Variants in MYO3A observed in about 807,000 individuals in gnomAD.
MYO3A encodes myosin IIIA, also known as myosin-IIIa.
In MYO3A, 180 loss-of-function variants were observed where a neutral mutation model predicts 192.7. The observed-to-expected ratio is 0.93, with a 90% CI of 0.83 to 1.06. The LOEUF is 1.06. Among genes scored for constraint, MYO3A ranks in the 50% least tolerant of loss-of-function variants. The probability of loss-of-function intolerance (pLI) is 0.00; values close to 1 mark genes in which losing one functional copy is unlikely to be tolerated. For missense variants in MYO3A, 1,896 were observed against 1,905.0 expected, an observed-to-expected ratio of 1.00 and a Z score of 0.09; for synonymous variants, 628 against 645.3, an observed-to-expected ratio of 0.97 and a Z score of 0.41.
intron 10 of MYO3A, among the ~76,000 whole-genome samples, chr10:26,047,707 G>A (rs951906781): frequency 5.3e-5 from 8 of 151,980 alleles, no homozygotes; most frequent in Admixed American, 3.9e-4. Context: ...CCCGGGAGGT[G>A]GAGCTTGCAG....
chr10:26,131,213 A>G (rs1219551480), intron 20 of MYO3A, among the ~76,000 whole-genome samples: 1 of 152,190 alleles, frequency 6.6e-6, no homozygotes, highest in East Asian at 1.9e-4. Flanking sequence ...GCATTTTCCT[A>G]TTTAGTCCAA....
chr10:26,069,936 A>T (rs550160649), intron 12 of MYO3A, among the ~76,000 whole-genome samples, 175 bp from the exon 13 acceptor site: 3 of 152,056 alleles, frequency 2.0e-5, no homozygotes, highest in African/African-American at 7.2e-5. Context: ...TTACATAGTT[A>T]TACATTTAGA....
At chr10:26,093,243 A>G (rs1450476182) in intron 15 of MYO3A, among the ~76,000 whole-genome samples, 4 of 152,200 alleles carry the variant, frequency 2.6e-5, no homozygotes, top group African/African-American at 7.2e-5. Flanking sequence ...AATGTTAACA[A>G]TCACATTGTT....
chr10:26,196,651 C>T (rs948671789), intron 32 of MYO3A, among the ~76,000 whole-genome samples: 3 of 152,202 alleles, frequency 2.0e-5, no homozygotes, highest in Non-Finnish European at 4.4e-5. Flanking sequence ...GCCCCAGTCC[C>T]TTTAACCACC....
chr10:26,151,546 T>G (rs981748297), intron 23 of MYO3A, among the ~76,000 whole-genome samples: 1 of 152,210 alleles, frequency 6.6e-6, no homozygotes, highest in African/African-American at 2.4e-5. Flanking sequence ...TTTCAACTTA[T>G]TGTTTTTCTT....
chr10:25,975,216 G>A (rs919950371), intron 4 of MYO3A, among the ~76,000 whole-genome samples: 1 of 152,174 alleles, frequency 6.6e-6, no homozygotes, highest in Non-Finnish European at 1.5e-5. Flanking sequence ...TACATGAAAA[G>A]GTGAAGCAGA....
chr10:26,150,671 C>T (rs1029856665), intron 23 of MYO3A, among the ~76,000 whole-genome samples: 1 of 152,106 alleles, frequency 6.6e-6, no homozygotes, highest in African/African-American at 2.4e-5. Context: ...TCAGCTGTCT[C>T]ATAAGTGACG....
chr10:26,130,450 G>T (rs2131763720), intron 20 of MYO3A, among the ~76,000 whole-genome samples: 1 of 152,262 alleles, frequency 6.6e-6, no homozygotes, highest in Non-Finnish European at 1.5e-5. Context: ...TTTCATTCAT[G>T]ATCCCAATGC....
chr10:25,958,133 T>G (rs1837680248), intron 4 of MYO3A, among the ~76,000 whole-genome samples: 2 of 152,210 alleles, frequency 1.3e-5, no homozygotes, highest in Non-Finnish European at 2.9e-5. Flanking sequence ...GGTATTGCTT[T>G]TGGAGTCTTC....
At chr10:26,096,811 A>G in intron 17 of MYO3A, 129 bp downstream of exon 17, 1 of 654,284 alleles carries the variant, frequency 1.5e-6, no homozygotes, top group Non-Finnish European at 2.7e-6. Context: ...AGCATTATGA[A>G]ATAACTGGAA....
intron 4 of MYO3A, among the ~76,000 whole-genome samples, chr10:25,956,064 G>A (rs550171173): frequency 6.6e-6 from 1 of 152,268 alleles, no homozygotes; most frequent in South Asian, 2.1e-4. Context: ...CTGGAGAGAA[G>A]AAACGCTGTG....
At chr10:26,205,583 A>C (rs7073982) in intron 34 of MYO3A, among the ~76,000 whole-genome samples, 2 of 142,700 alleles carry the variant, frequency 1.4e-5, no homozygotes, top group African/African-American at 5.4e-5. Flanking sequence ...CGTGTTGTTA[A>C]AAATGGCAGG....
At chr10:25,945,479 A>G (rs898996447) in intron 2 of MYO3A, among the ~76,000 whole-genome samples, 2 of 152,032 alleles carry the variant, frequency 1.3e-5, no homozygotes, top group African/African-American at 4.8e-5. Context: ...ATTATTGTAG[A>G]GCTGTCTGTT....
chr10:26,054,094 G>A (rs919694658), intron 10 of MYO3A, among the ~76,000 whole-genome samples: 18 of 152,154 alleles, frequency 1.2e-4, no homozygotes, highest in South Asian at 4.1e-4. Flanking sequence ...TACGGTGGGA[G>A]AAGCAATGGG....
chr10:26,049,029 C>T (rs80002604), intron 10 of MYO3A, among the ~76,000 whole-genome samples: 2,285 of 152,204 alleles, frequency 0.015, 69 homozygotes, highest in African/African-American at 0.052. Context: ...TTGCAAGCCA[C>T]GTAACCTGAG....
chr10:26,135,642 G>A (rs1839801522), intron 20 of MYO3A, among the ~76,000 whole-genome samples: 1 of 151,964 alleles, frequency 6.6e-6, no homozygotes, highest in African/African-American at 2.4e-5. Context: ...TTTTAGGGTT[G>A]GAATGGAAAG....
chr10:26,116,528 C>T (rs930381210), intron 17 of MYO3A, among the ~76,000 whole-genome samples: 1 of 152,100 alleles, frequency 6.6e-6, no homozygotes, highest in African/African-American at 2.4e-5. Flanking sequence ...CTTAGGACTT[C>T]AACATATGAA....
chr10:26,142,852 T>A (rs1316592153), intron 20 of MYO3A, among the ~76,000 whole-genome samples: 2 of 152,190 alleles, frequency 1.3e-5, no homozygotes, highest in Non-Finnish European at 2.9e-5. Flanking sequence ...TTCTGTAAAG[T>A]CTGGAACATA....
In MYO3A at chr10:26,211,951, C is replaced by G; in HGVS notation, c.4839C>G (p.Val1613=). 1 of 1,613,980 alleles carries G rather than the reference C, an allele frequency of 6.2e-7. No homozygotes were observed. The highest frequency in any genetic ancestry group is 8.5e-7 in the Non-Finnish European group (1 of 1,179,956). The change falls in exon 35 of 35, where the codon GTC becomes GTG. Residue 1613 remains valine (V), a synonymous_variant. Transcript: ENST00000642920. ...AAACCTCCCAGCGCCGGCGCCTCGT[C>G]CAGCAGTCCTAACCGTTCAACGAGG... is the stretch of plus-strand genomic sequence containing the variant. The part of the protein sequence containing the change: ...LRKTSQRRRL[V]QQS
Sources: gnomAD v4.1 joint callset for allele counts (sites outside exome capture counted in the v4.1 genomes callset) on GRCh38, gnomAD v4.1.1 for gene constraint, MANE v1.5 for transcripts, NCBI Gene and HGNC (gene_info 2026-07-23, HGNC 2026-07-21) for gene names.